Variants in PRKAG2 observed in about 807,000 individuals in gnomAD.
PRKAG2 encodes 5'-AMP-activated protein kinase subunit gamma-2.
Under a neutral mutation model 69.6 loss-of-function variants are expected in PRKAG2, and 26 were observed. The observed-to-expected ratio is 0.37, with a 90% CI of 0.27 to 0.52. The LOEUF is 0.52. Ranked by LOEUF, PRKAG2 falls within the 20% of genes least tolerant of loss-of-function variation. The probability of loss-of-function intolerance (pLI) is 0.90; values close to 1 mark genes in which losing one functional copy is unlikely to be tolerated. For missense variants in PRKAG2, 557 were observed against 740.0 expected (o/e 0.75, Z 2.87); for synonymous variants, 293 against 285.0 (o/e 1.03, Z -0.28).
At position 151,814,836 on chromosome 7, in the gene PRKAG2, T is replaced by C; in HGVS notation, c.115-28295A>G. 2.4e-6 allele frequency: 3 copies of C among 1,231,726 alleles called. No individual in the cohort carries two copies. The highest frequency in any genetic ancestry group is 3.0e-6 in the Non-Finnish European group (3 of 987,958). The allele number at this position is 1,231,726 out of a possible 1,614,324, so 76.3% of individuals were successfully genotyped here. On this transcript the variant is annotated intron_variant, in intron 1 of 15. Coordinates refer to ENST00000287878, the MANE Select transcript of PRKAG2 (RefSeq NM_016203.4). The surrounding 1 kb of genome is among the most constrained non-coding windows in gnomAD (Gnocchi z 4.8). ...TTGACGGGACTGCAGCAAACTGTCA[T>C]TCCCACCTGTGTCAGGCGCTGCTGG...
intron 4 of PRKAG2, among the ~76,000 whole-genome samples, chr7:151,646,553 G>A (rs931397186): frequency 6.6e-5 from 10 of 152,200 alleles, no homozygotes; most frequent in Admixed American, 1.3e-4. Context: ...AAATTCACTT[G>A]TAAGTTCTAG....
At chr7:151,616,249 C>T (rs933996575) in intron 5 of PRKAG2, among the ~76,000 whole-genome samples, 1 of 152,094 alleles carries the variant, frequency 6.6e-6, no homozygotes, top group Admixed American at 6.6e-5. Flanking sequence ...AGGCAGGCAA[C>T]GAGGGCGGGA....
chr7:151,816,630 G>T (rs973058454), intron 1 of PRKAG2, among the ~76,000 whole-genome samples: 16 of 152,206 alleles, frequency 1.1e-4, no homozygotes, highest in Admixed American at 2.6e-4. Flanking sequence ...TAAACCTGAG[G>T]TTTAGCAGAA....
chr7:151,764,234 C>T (rs905081617), intron 3 of PRKAG2, among the ~76,000 whole-genome samples: 7 of 152,150 alleles, frequency 4.6e-5, no homozygotes, highest in Non-Finnish European at 1.0e-4. Flanking sequence ...TTTGACAGAT[C>T]TGCAATCACA....
intron 5 of PRKAG2, among the ~76,000 whole-genome samples, chr7:151,618,393 C>G (rs894130584): frequency 6.6e-6 from 1 of 151,648 alleles, no homozygotes; most frequent in Non-Finnish European, 1.5e-5. Flanking sequence ...GCGGAGGCTG[C>G]AGTCAGCCGA....
intron 3 of PRKAG2, among the ~76,000 whole-genome samples, chr7:151,751,500 A>T (rs867180188): frequency 4.0e-5 from 6 of 150,120 alleles, no homozygotes; most frequent in South Asian, 4.2e-4. Context: ...TACTCTATTT[A>T]TTATTTATTT....
rs1053246990 is a variant in PRKAG2 at position 151,788,682 on chromosome 7, C to T, written c.115-2141G>A. ...GATTTATCTAATTTGCCTTTTGTTG[C>T]CTGTGCTTTTGGTGTTGTATTCAAG... is the stretch of plus-strand genomic sequence containing the variant. On this transcript the variant is annotated intron_variant, in intron 1 of 15. Coordinates refer to ENST00000287878, the MANE Select transcript of PRKAG2 (RefSeq NM_016203.4). This position sits in a 1 kb window ranked among gnomAD's most constrained non-coding sequence, Gnocchi z 4.6. Among the ~76,000 whole-genome samples the T allele has an allele frequency of 6.6e-6, 1 of 152,162 alleles. No homozygotes were observed. The highest frequency in any genetic ancestry group is 1.5e-5 in the Non-Finnish European group (1 of 68,028).
intron 5 of PRKAG2, among the ~76,000 whole-genome samples, chr7:151,597,821 C>CA (rs796399393): frequency 5.1e-5 from 1 of 19,766 alleles, no homozygotes; most frequent in Admixed American, 7.5e-4. Flanking sequence ...CAAAAGGGAG[C>CA]CCCCCCCCCC....
chr7:151,723,501 G>A (rs910135345), intron 3 of PRKAG2, among the ~76,000 whole-genome samples: 4 of 152,316 alleles, frequency 2.6e-5, no homozygotes, highest in South Asian at 2.1e-4. Flanking sequence ...TAGGTCACGC[G>A]GCCCACCCCA....
chr7:151,868,915 T>C (rs1280186569), intron 1 of PRKAG2, among the ~76,000 whole-genome samples: 1 of 152,240 alleles, frequency 6.6e-6, no homozygotes, highest in Non-Finnish European at 1.5e-5. Context: ...CTGAAGGTTT[T>C]AGAAGATACA....
intron 1 of PRKAG2, among the ~76,000 whole-genome samples, chr7:151,840,305 C>T (rs1369542881): frequency 6.6e-6 from 1 of 152,086 alleles, no homozygotes; most frequent in Non-Finnish European, 1.5e-5. Context: ...TTCGAGGTTC[C>T]CCAGGCTGCC....
intron 1 of PRKAG2, among the ~76,000 whole-genome samples, chr7:151,818,478 C>T (rs2078697377): frequency 6.6e-6 from 1 of 152,262 alleles, no homozygotes; most frequent in Admixed American, 6.5e-5. Context: ...TACACCACTG[C>T]ACCCCAGAAC....
intron 1 of PRKAG2, among the ~76,000 whole-genome samples, chr7:151,847,821 C>T (rs575059893): frequency 7.9e-5 from 12 of 152,338 alleles, no homozygotes; most frequent in Middle Eastern, 3.4e-3. Flanking sequence ...GGTTGGCGCC[C>T]GGAAGCATCC....
At chr7:151,726,404 A>G (rs1045698523) in intron 3 of PRKAG2, among the ~76,000 whole-genome samples, 18 of 142,428 alleles carry the variant, frequency 1.3e-4, no homozygotes, top group Admixed American at 5.6e-4. Context: ...ACACACACGC[A>G]CACACACACA....
intron 1 of PRKAG2, among the ~76,000 whole-genome samples, chr7:151,831,402 AAAGG>A (rs2079022924): frequency 6.6e-6 from 1 of 152,236 alleles, no homozygotes; most frequent in African/African-American, 2.4e-5. Flanking sequence ...CAGCCCATAA[AAAGG>A]AAGGACTGAC....
At chr7:151,869,681 A>T (rs891269960) in intron 1 of PRKAG2, among the ~76,000 whole-genome samples, 1 of 152,252 alleles carries the variant, frequency 6.6e-6, no homozygotes, top group African/African-American at 2.4e-5. Context: ...CGTTCCCTCC[A>T]GGACCAGCAC....
intron 3 of PRKAG2, among the ~76,000 whole-genome samples, chr7:151,685,954 A>G (rs1834659136): frequency 6.6e-6 from 1 of 152,180 alleles, no homozygotes; most frequent in South Asian, 2.1e-4. Flanking sequence ...TTAATCGAAG[A>G]TGCTAGGTTT....
At chr7:151,674,974 TG>T (rs1016307034) in intron 4 of PRKAG2, 1 of 262,554 alleles carries the variant, frequency 3.8e-6, no homozygotes, top group Admixed American at 4.9e-5. Context: ...GGGGCTGGAG[TG>T]CGGTGTCATG....
intron 3 of PRKAG2, among the ~76,000 whole-genome samples, chr7:151,778,703 G>T (rs192763549): frequency 2.0e-5 from 3 of 152,068 alleles, no homozygotes; most frequent in Non-Finnish European, 4.4e-5. Context: ...TCTCGCCACC[G>T]CCCCAAAGCT....
Sources: allele counts gnomAD v4.1 joint callset (sites outside exome capture counted in the v4.1 genomes callset), GRCh38; gene constraint gnomAD v4.1.1; non-coding constraint Gnocchi (gnomAD v3.1); transcripts MANE v1.5; gene names NCBI Gene and HGNC (gene_info 2026-07-23, HGNC 2026-07-21).